Variants in PCDHA6 observed in about 807,000 individuals in gnomAD.
PCDHA6 encodes the protein protocadherin alpha-6.
Under a neutral mutation model 60.3 loss-of-function variants are expected in PCDHA6, and 55 were observed. The ratio of observed to expected loss-of-function variants is 0.91; its 90% CI spans 0.73 to 1.14. PCDHA6 has a LOEUF of 1.14. Among genes scored for constraint, PCDHA6 ranks in the 50% most tolerant of loss-of-function variants. The pLI is 0.00. For missense variants in PCDHA6, 1,327 were observed against 1,256.5 expected (o/e 1.06, Z -0.85); for synonymous variants, 652 against 557.9 (o/e 1.17, Z -2.38).
At position 140,829,915 on chromosome 5, in the gene PCDHA6, G is replaced by T; in HGVS notation, c.1824G>T (p.Ser608=). 1 of 1,614,008 alleles carries T rather than the reference G, an allele frequency of 6.2e-7. No individual in the cohort carries two copies. The highest frequency in any genetic ancestry group is 1.7e-4 in the Middle Eastern group (1 of 6,054). The change falls in exon 1 of 4, where the codon TCG becomes TCT. Residue 608 remains serine, a synonymous_variant. Transcript: ENST00000529310. ...ACTCAGGCTACAACGCGTGGCTTTC[G>T]TATGAGCTGCAGCCCCCGGCAAGCA... ...DADSGYNAWL[S]YELQPPASSA...
intron 1 of PCDHA6, among the ~76,000 whole-genome samples, chr5:140,950,741 C>A (rs149114023): frequency 1.3e-5 from 2 of 152,006 alleles, no homozygotes; most frequent in African/African-American, 4.8e-5. Flanking sequence ...ATCCTAATTT[C>A]TCTCTATCCT....
At chr5:140,919,387 G>A (rs180927321) in intron 1 of PCDHA6, among the ~76,000 whole-genome samples, 420 of 152,292 alleles carry the variant, frequency 2.8e-3, no homozygotes, top group Middle Eastern at 6.8e-3. Context: ...ATAGTTGGAT[G>A]TTGTTTTCCT....
chr5:140,960,848 A>G (rs2095575135), intron 1 of PCDHA6, among the ~76,000 whole-genome samples: 1 of 152,212 alleles, frequency 6.6e-6, no homozygotes, highest in Non-Finnish European at 1.5e-5. Context: ...GTTTAATGGC[A>G]ACTATAAGCC....
chr5:140,966,826 GC>G, intron 1 of PCDHA6: 1 of 1,560,690 alleles, frequency 6.4e-7, no homozygotes, highest in Non-Finnish European at 8.6e-7. Flanking sequence ...GGCGGCCCAT[GC>G]CCTGGCTGCT....
intron 1 of PCDHA6, chr5:140,854,178 A>AAAAATT: frequency 1.9e-6 from 1 of 531,180 alleles, no homozygotes; most frequent in Non-Finnish European, 2.4e-6. Flanking sequence ...AAAAAAAAAG[A>AAAAATT]GTAGTTTAAC....
At chr5:140,866,739 C>T (rs1198771092) in intron 1 of PCDHA6, 5 of 152,124 alleles carry the variant, frequency 3.3e-5, no homozygotes, top group African/African-American at 4.8e-5. Context: ...CACTCTAATA[C>T]TTATATGACT....
At chr5:140,894,405 C>T (rs1277416530) in intron 1 of PCDHA6, among the ~76,000 whole-genome samples, 4 of 151,926 alleles carry the variant, frequency 2.6e-5, no homozygotes, top group African/African-American at 9.7e-5. Flanking sequence ...CTTTGCTTTT[C>T]TTTTGTAGCT....
At chr5:140,981,284 G>A (rs1554242765) in intron 2 of PCDHA6, among the ~76,000 whole-genome samples, 4 of 152,094 alleles carry the variant, frequency 2.6e-5, no homozygotes, top group Non-Finnish European at 5.9e-5. Context: ...GTTTAAAAGG[G>A]TCCTCTAGTC....
chr5:140,962,036 A>G (rs761594563), intron 1 of PCDHA6, among the ~76,000 whole-genome samples: 10 of 151,802 alleles, frequency 6.6e-5, no homozygotes, highest in Non-Finnish European at 1.2e-4. Flanking sequence ...GGCACCCACC[A>G]CCATGCCTGG....
chr5:140,870,579 G>T (rs1388213173), intron 1 of PCDHA6: 4 of 1,613,744 alleles, frequency 2.5e-6, no homozygotes, highest in Admixed American at 1.7e-5. Context: ...TGTCCTACTC[G>T]CTGGTGGAGC....
intron 1 of PCDHA6, among the ~76,000 whole-genome samples, chr5:140,914,169 G>A (rs997751296): frequency 1.1e-4 from 17 of 152,140 alleles, no homozygotes; most frequent in Admixed American, 6.5e-5. Context: ...GGAAAGTGGG[G>A]TGTTGAATTC....
At chr5:140,936,577 A>G (rs776415020) in intron 1 of PCDHA6, among the ~76,000 whole-genome samples, 1 of 152,186 alleles carries the variant, frequency 6.6e-6, no homozygotes, top group Non-Finnish European at 1.5e-5. Flanking sequence ...TCCACTTGTA[A>G]ATCCAGTTAG....
chr5:140,869,330 A>G (rs1554162906), intron 1 of PCDHA6: 25 of 1,613,778 alleles, frequency 1.5e-5, no homozygotes, highest in Non-Finnish European at 2.0e-5. Context: ...GACCTTCTGG[A>G]GGTAAATCTG....
chr5:140,893,150 A>G (rs1398784015), intron 1 of PCDHA6, among the ~76,000 whole-genome samples: 1 of 152,066 alleles, frequency 6.6e-6, no homozygotes, highest in Non-Finnish European at 1.5e-5. Context: ...TCATCTGTTG[A>G]TGGATATTGA....
At chr5:140,940,645 A>G (rs1554213545) in intron 1 of PCDHA6, among the ~76,000 whole-genome samples, 1 of 152,156 alleles carries the variant, frequency 6.6e-6, no homozygotes, top group Non-Finnish European at 1.5e-5. Flanking sequence ...TCATTTATTT[A>G]TTTAAATATA....
chr5:140,924,901 A>AAAATAAAAT (rs1554202314), intron 1 of PCDHA6, among the ~76,000 whole-genome samples: 2 of 80,456 alleles, frequency 2.5e-5, no homozygotes, highest in African/African-American at 8.6e-5. Context: ...TCTCAAAAAA[A>AAAATAAAAT]AAAATAAAAT....
At position 140,842,965 on chromosome 5, in the gene PCDHA6, C is replaced by A. The variant is rs2150348785; in HGVS notation, c.2394+12480C>A. 5 of 1,594,984 alleles carry A rather than the reference C, an allele frequency of 3.1e-6. 1 individual carries two copies. Among genetic ancestry groups the A allele is most frequent in the East Asian group, 4.5e-5 (2 of 44,816 alleles). On this transcript the variant is annotated intron_variant, in intron 1 of 3. Transcript: ENST00000529310. Reference sequence around the variant, plus strand: ...CGGGCGTGCCGCCTCTGGGCAGCAACGTGACGCTGCAGGTGTTCGTGCTGG... The same window carrying A: ...CGGGCGTGCCGCCTCTGGGCAGCAAAGTGACGCTGCAGGTGTTCGTGCTGG...
chr5:140,858,135 T>C, intron 1 of PCDHA6: 1 of 1,597,450 alleles, frequency 6.3e-7, no homozygotes. Context: ...GATGTCAACG[T>C]GTACCTGATC....
At chr5:140,868,908 CTTGGTG>C in intron 1 of PCDHA6, 1 of 882,188 alleles carries the variant, frequency 1.1e-6, no homozygotes, top group Non-Finnish European at 1.7e-6. Flanking sequence ...TCGCTCTTTA[CTTGGTG>C]GAAAGTTCAT....
Sources: gnomAD v4.1 joint callset for allele counts (sites outside exome capture counted in the v4.1 genomes callset) on GRCh38, gnomAD v4.1.1 for gene constraint, MANE v1.5 for transcripts, NCBI Gene and HGNC (gene_info 2026-07-23, HGNC 2026-07-21) for gene names.